MDGA2: variants seen among roughly 807,000 people sequenced by gnomAD.
The protein encoded by MDGA2 is MAM domain-containing glycosylphosphatidylinositol anchor protein 2.
A neutral mutation model predicts 117.8 loss-of-function variants in MDGA2; 40 were observed. The ratio of observed to expected loss-of-function variants is 0.34; its 90% CI spans 0.26 to 0.44. The LOEUF is 0.44. Among genes scored for constraint, MDGA2 ranks in the 20% least tolerant of loss-of-function variants. MDGA2 has a pLI of 1.00. For synonymous variants in MDGA2, 452 were observed against 439.0 expected, an observed-to-expected ratio of 1.03 and a Z score of -0.37; for missense variants, 1,123 against 1,250.6, an observed-to-expected ratio of 0.90 and a Z score of 1.54.
At chr14:47,605,805 G>A (rs944675659) in intron 1 of MDGA2, among the ~76,000 whole-genome samples, 2 of 151,966 alleles carry the variant, frequency 1.3e-5, no homozygotes, top group Admixed American at 6.6e-5. Context: ...TTGATCATAC[G>A]GTATACACAT....
intron 1 of MDGA2, among the ~76,000 whole-genome samples, chr14:47,621,631 A>T (rs1220162475): frequency 6.6e-6 from 1 of 152,222 alleles, no homozygotes; most frequent in Non-Finnish European, 1.5e-5. Flanking sequence ...TCTGGCCAGC[A>T]AAATGTGAGC....
At position 47,536,733 on chromosome 14, in the gene MDGA2, T is replaced by A. The variant is rs77445841; in HGVS notation, c.280+137784A>T. Among the ~76,000 whole-genome samples the A allele has an allele frequency of 4.4e-3, 672 of 152,344 alleles. 27 individuals are homozygous for A. In the East Asian group the frequency reaches 0.1, roughly 23 times the overall value. On this transcript the variant is annotated intron_variant, in intron 1 of 16. Coordinates refer to ENST00000399232, the MANE Select transcript of MDGA2 (RefSeq NM_001113498.3). ...TCTATTGCACTACTACTAACTTCTA[T>A]GAATAGTAAAAGGATTTTACTTAAA...
chr14:46,845,922 C>T, intron 15 of MDGA2, 51 bp from the exon 16 acceptor site: 1 of 1,395,116 alleles, frequency 7.2e-7, no homozygotes, highest in South Asian at 1.2e-5. Context: ...ATTTGCAGAT[C>T]AGTTTCTCTT....
chr14:47,492,797 T>C (rs1357058849), intron 1 of MDGA2, among the ~76,000 whole-genome samples: 1 of 152,128 alleles, frequency 6.6e-6, no homozygotes, highest in Non-Finnish European at 1.5e-5. Flanking sequence ...ATGACCTTGC[T>C]AAATTATATG....
intron 8 of MDGA2, among the ~76,000 whole-genome samples, chr14:47,009,980 A>G (rs1201392730): frequency 6.6e-6 from 1 of 151,886 alleles, no homozygotes; most frequent in African/African-American, 2.4e-5. Context: ...TTCCCAACCT[A>G]TTAAGTCTGA....
intron 1 of MDGA2, among the ~76,000 whole-genome samples, chr14:47,441,939 T>C (rs1454315563): frequency 6.6e-6 from 1 of 152,180 alleles, no homozygotes; most frequent in African/African-American, 2.4e-5. Context: ...AATATTTTCC[T>C]ATTTGATTTC....
intron 1 of MDGA2, among the ~76,000 whole-genome samples, chr14:47,432,713 C>T (rs1017750035): frequency 1.3e-5 from 2 of 151,864 alleles, no homozygotes; most frequent in African/African-American, 4.8e-5. Context: ...ATTGATCTTC[C>T]GATCTTGATA....
intron 9 of MDGA2, among the ~76,000 whole-genome samples, chr14:46,930,935 G>A (rs1001237238): frequency 9.9e-5 from 15 of 152,106 alleles, no homozygotes; most frequent in Admixed American, 4.6e-4. Context: ...TCAAAATCTG[G>A]GCCAGGCGCA....
At chr14:47,465,401 C>T (rs1594870899) in intron 1 of MDGA2, among the ~76,000 whole-genome samples, 1 of 152,042 alleles carries the variant, frequency 6.6e-6, no homozygotes, top group East Asian at 1.9e-4. Context: ...AGACAACCTA[C>T]AGAATGAAAG....
chr14:47,314,549 G>A (rs1292293848), intron 1 of MDGA2, among the ~76,000 whole-genome samples: 2 of 151,908 alleles, frequency 1.3e-5, no homozygotes, highest in Non-Finnish European at 2.9e-5. Flanking sequence ...TTGGTGGCAT[G>A]AGCCTGTATC....
intron 1 of MDGA2, among the ~76,000 whole-genome samples, chr14:47,558,788 TG>T (rs950284616): frequency 4.0e-4 from 61 of 152,302 alleles, no homozygotes; most frequent in Admixed American, 5.2e-4. Context: ...AATAAAATCT[TG>T]GGGGTGTATT....
At chr14:47,001,223 G>A (rs12892826) in intron 8 of MDGA2, among the ~76,000 whole-genome samples, 7,067 of 151,718 alleles carry the variant, frequency 0.047, 225 homozygotes, top group Middle Eastern at 0.068. Flanking sequence ...GGAATATGAC[G>A]TACAAATATA....
At chr14:47,060,015 T>A (rs1297980413) in intron 7 of MDGA2, among the ~76,000 whole-genome samples, 1 of 152,106 alleles carries the variant, frequency 6.6e-6, no homozygotes, top group Non-Finnish European at 1.5e-5. Flanking sequence ...ACTGTGTGTA[T>A]CAACAGTTTT....
chr14:46,961,137 A>G (rs1463440740), intron 8 of MDGA2, among the ~76,000 whole-genome samples: 1 of 151,958 alleles, frequency 6.6e-6, no homozygotes, highest in Non-Finnish European at 1.5e-5. Flanking sequence ...CACTTTCGAA[A>G]TACCTTTGTC....
chr14:46,882,410 A>C (rs1254595207), intron 10 of MDGA2, among the ~76,000 whole-genome samples, 189 bp from the exon 11 acceptor site: 6 of 151,876 alleles, frequency 4.0e-5, no homozygotes, highest in Admixed American at 3.3e-4. Flanking sequence ...GTTTGCAGGT[A>C]ATTGCCAAAT....
At chr14:47,285,765 C>T (rs756220014) in intron 2 of MDGA2, among the ~76,000 whole-genome samples, 17 of 151,962 alleles carry the variant, frequency 1.1e-4, no homozygotes, top group Non-Finnish European at 2.4e-4. Context: ...ATAAGTAAAT[C>T]GGAAGATTTC....
intron 1 of MDGA2, among the ~76,000 whole-genome samples, chr14:47,478,376 A>C (rs1893885954): frequency 6.6e-6 from 1 of 152,262 alleles, no homozygotes; most frequent in African/African-American, 2.4e-5. Context: ...ATTGTATTTG[A>C]AAATATTATT....
At chr14:47,127,727 A>C (rs79383204) in intron 5 of MDGA2, among the ~76,000 whole-genome samples, 3,000 of 152,270 alleles carry the variant, frequency 0.02, 29 homozygotes, top group Middle Eastern at 0.068. Flanking sequence ...GAAAGGTTAA[A>C]TAAAGTATCT....
intron 1 of MDGA2, among the ~76,000 whole-genome samples, chr14:47,380,276 C>G (rs1891583834): frequency 6.6e-6 from 1 of 152,090 alleles, no homozygotes; most frequent in Non-Finnish European, 1.5e-5. Context: ...CAGGAAAGAT[C>G]TAAAATTGAC....
Sources: gnomAD v4.1 joint callset for allele counts (sites outside exome capture counted in the v4.1 genomes callset) on GRCh38, gnomAD v4.1.1 for gene constraint, MANE v1.5 for transcripts, NCBI Gene and HGNC (gene_info 2026-07-23, HGNC 2026-07-21) for gene names.